The following PRKCQ variants were observed in gnomAD, a reference collection of about 807,000 sequenced individuals.
The protein encoded by PRKCQ is protein kinase C theta type.
PRKCQ carries 41 observed loss-of-function variants against 91.2 expected under a neutral mutation model. That is an observed-to-expected ratio of 0.45 (90% confidence interval 0.35 to 0.58). PRKCQ has a LOEUF of 0.58. PRKCQ is among the 20% of genes least tolerant of loss of function. The pLI is 0.00. For synonymous variants in PRKCQ, 307 were observed against 316.9 expected, an observed-to-expected ratio of 0.97 and a Z score of 0.33; for missense variants, 673 against 896.5, an observed-to-expected ratio of 0.75 and a Z score of 3.18.
the PRKCQ span, among the ~76,000 whole-genome samples, chr10:6,404,567 TTC>T: frequency 4.0e-5 from 2 of 49,932 alleles, no homozygotes; most frequent in African/African-American, 7.7e-5. Flanking sequence ...CCTTTCTTCC[TTC>T]TTTCTCTTTC....
At position 6,456,656 on chromosome 10, in the gene PRKCQ, C is replaced by G. The variant is rs762676299; in HGVS notation, c.1647+18G>C. 1.9e-6 allele frequency: 3 copies of G among 1,613,594 alleles called. No homozygotes were observed. Among genetic ancestry groups the G allele is most frequent in the Non-Finnish European group, 2.5e-6 (3 of 1,179,670 alleles). Reference sequence around the variant, plus strand: ...CAGGGCATGGTGAGGTGGGAGCAGCCTGTCACTGCATTCCTACCTCTGGGG... The same window carrying G: ...CAGGGCATGGTGAGGTGGGAGCAGCGTGTCACTGCATTCCTACCTCTGGGG... On this transcript the variant is annotated intron_variant, in intron 15 of 17. Coordinates refer to ENST00000263125, the MANE Select transcript of PRKCQ (RefSeq NM_006257.5).
At chr10:6,398,424 C>A in the PRKCQ span, among the ~76,000 whole-genome samples, 1 of 152,190 alleles carries the variant, frequency 6.6e-6, no homozygotes, top group South Asian at 2.1e-4. Context: ...TTTTGAGAGG[C>A]TTGCATAAGT....
At chr10:6,567,992 G>A (rs935253542) in intron 1 of PRKCQ, among the ~76,000 whole-genome samples, 1 of 152,132 alleles carries the variant, frequency 6.6e-6, no homozygotes, top group East Asian at 1.9e-4. Flanking sequence ...CAGCACTTTG[G>A]TGGTGGCGCA....
chr10:6,484,136 G>A (rs937544858), intron 10 of PRKCQ, among the ~76,000 whole-genome samples: 33 of 152,126 alleles, frequency 2.2e-4, no homozygotes, highest in South Asian at 2.1e-4. Flanking sequence ...TACGTTGGCC[G>A]GGTATGGTGG....
At chr10:6,407,256 G>A in the PRKCQ span, among the ~76,000 whole-genome samples, 5 of 151,800 alleles carry the variant, frequency 3.3e-5, no homozygotes, top group Non-Finnish European at 4.4e-5. This position sits in a 1 kb window ranked among gnomAD's most constrained non-coding sequence, Gnocchi z 4.0. Context: ...TGCAGTGGGC[G>A]TGCATGGTGC....
chr10:6,417,217 T>C, the PRKCQ span, among the ~76,000 whole-genome samples: 5 of 152,106 alleles, frequency 3.3e-5, no homozygotes, highest in African/African-American at 1.2e-4. Context: ...TAAAAGTGGG[T>C]AGTTTCTAGT....
the PRKCQ span, among the ~76,000 whole-genome samples, chr10:6,395,190 A>G: frequency 6.6e-6 from 1 of 150,840 alleles, no homozygotes; most frequent in Non-Finnish European, 1.5e-5. Flanking sequence ...CAGCCTCCCG[A>G]GTAGCTGGGA....
intron 4 of PRKCQ, among the ~76,000 whole-genome samples, chr10:6,502,583 G>A (rs533510045): frequency 1.2e-4 from 18 of 152,298 alleles, no homozygotes; most frequent in African/African-American, 3.4e-4. Context: ...ACTGCAGTAG[G>A]GGCAGAGGCT....
At chr10:6,447,712 T>C (rs1834396452) in intron 15 of PRKCQ, among the ~76,000 whole-genome samples, 1 of 152,216 alleles carries the variant, frequency 6.6e-6, no homozygotes, top group African/African-American at 2.4e-5. Context: ...AGATGGCCTC[T>C]GTCCCAGCAG....
the PRKCQ span, among the ~76,000 whole-genome samples, chr10:6,417,965 C>A: frequency 3.3e-5 from 5 of 152,188 alleles, no homozygotes; most frequent in African/African-American, 4.8e-5. Context: ...ATCTCCCAGA[C>A]ATGGGTCTCC....
Position 6,442,098 on chromosome 10 carries a change from C to G in PRKCQ, c.1648-17G>C. ...CAGCAAGATCTGCACAACCAAAAGG[C>G]AGACAGGAAATTAACAGGAATGAGG... On this transcript the variant is annotated splice_polypyrimidine_tract_variant and intron_variant, in intron 15 of 17. Coordinates refer to ENST00000263125, the MANE Select transcript of PRKCQ (RefSeq NM_006257.5). 6.2e-7 allele frequency: 1 copy of G among 1,602,804 alleles called. No individual in the cohort carries two copies.
the PRKCQ span, among the ~76,000 whole-genome samples, chr10:6,413,183 ACC>A: frequency 6.6e-6 from 1 of 152,082 alleles, no homozygotes; most frequent in Admixed American, 6.6e-5. Context: ...TGATCTCCTG[ACC>A]TTGTGATCAG....
chr10:6,492,020 T>C (rs1333228786), intron 7 of PRKCQ, among the ~76,000 whole-genome samples: 4 of 152,220 alleles, frequency 2.6e-5, no homozygotes, highest in Admixed American at 6.5e-5. Context: ...GGGGCATGCT[T>C]GCCTTCTGCA....
At chr10:6,492,665 T>G (rs755484833) in intron 7 of PRKCQ, among the ~76,000 whole-genome samples, 1 of 152,184 alleles carries the variant, frequency 6.6e-6, no homozygotes, top group Non-Finnish European at 1.5e-5. Flanking sequence ...ATGCTAGTGA[T>G]CGACATGGAA....
chr10:6,458,007 A>G (rs929980972), intron 14 of PRKCQ, among the ~76,000 whole-genome samples: 1 of 151,740 alleles, frequency 6.6e-6, no homozygotes, highest in Non-Finnish European at 1.5e-5. Context: ...GTGCAGTGGC[A>G]TGATGTCAGT....
At chr10:6,442,149 C>T (rs1466450825) in intron 15 of PRKCQ, 68 bp from the exon 16 acceptor site, 40 of 1,450,864 alleles carry the variant, frequency 2.8e-5, no homozygotes, top group Non-Finnish European at 3.6e-5. Flanking sequence ...TCTTCCTGAG[C>T]GTCTCAAGGC....
chr10:6,428,496 A>G (rs1833241964), intron 17 of PRKCQ, 134 bp from the exon 18 acceptor site: 3 of 854,158 alleles, frequency 3.5e-6, no homozygotes, highest in Non-Finnish European at 3.7e-6. Context: ...AATGGAGGCA[A>G]TGCCTACAGA....
chr10:6,420,279 C>T, the PRKCQ span, among the ~76,000 whole-genome samples: 1 of 152,204 alleles, frequency 6.6e-6, no homozygotes, highest in Non-Finnish European at 1.5e-5. Context: ...ACACACCATG[C>T]CTTCGAATCT....
chr10:6,535,703 C>T (rs868556540), intron 1 of PRKCQ, among the ~76,000 whole-genome samples: 4 of 152,134 alleles, frequency 2.6e-5, no homozygotes, highest in Non-Finnish European at 5.9e-5. Flanking sequence ...AGCCCGTGTC[C>T]ACCTCCCCTC....
Sources: allele counts gnomAD v4.1 joint callset (sites outside exome capture counted in the v4.1 genomes callset), GRCh38; gene constraint gnomAD v4.1.1; non-coding constraint Gnocchi (gnomAD v3.1); transcripts MANE v1.5; gene names NCBI Gene and HGNC (gene_info 2026-07-23, HGNC 2026-07-21).